SPIDR: variants seen among roughly 807,000 people sequenced by gnomAD.
SPIDR encodes the protein scaffold protein involved in DNA repair.
SPIDR carries 93 observed loss-of-function variants against 104.6 expected under a neutral mutation model. The ratio of observed to expected loss-of-function variants is 0.89; its 90% CI spans 0.75 to 1.06. The LOEUF is 1.06. SPIDR is among the 50% of genes least tolerant of loss of function. SPIDR has a pLI of 0.00. For missense variants in SPIDR, 1,154 were observed against 1,111.2 expected (o/e 1.04, Z -0.55); for synonymous variants, 431 against 416.9 (o/e 1.03, Z -0.41).
chr8:47,666,396 A>G (rs995126936), intron 10 of SPIDR, among the ~76,000 whole-genome samples: 3 of 152,112 alleles, frequency 2.0e-5, no homozygotes, highest in African/African-American at 7.2e-5. Context: ...ATATAAATCA[A>G]TTTCACCTGC....
intron 10 of SPIDR, among the ~76,000 whole-genome samples, chr8:47,609,172 AT>A (rs1345517092): frequency 6.6e-6 from 1 of 151,992 alleles, no homozygotes; most frequent in Non-Finnish European, 1.5e-5. Context: ...ATTTGCAAAT[AT>A]TTTTTCCCAT....
chr8:47,315,466 C>T (rs1039616029), intron 5 of SPIDR, among the ~76,000 whole-genome samples: 9 of 152,078 alleles, frequency 5.9e-5, no homozygotes, highest in South Asian at 4.1e-4. Context: ...TATCCCTAGT[C>T]GATCTATGAA....
intron 10 of SPIDR, among the ~76,000 whole-genome samples, chr8:47,600,920 C>T (rs564378408): frequency 6.0e-4 from 92 of 152,284 alleles, no homozygotes; most frequent in African/African-American, 2.0e-3. Flanking sequence ...ACTGACAGTG[C>T]GGTTGCTTCC....
chr8:47,304,789 A>G (rs2154250556), intron 5 of SPIDR, among the ~76,000 whole-genome samples: 1 of 152,360 alleles, frequency 6.6e-6, no homozygotes, highest in Non-Finnish European at 1.5e-5. Context: ...TGAGAATGGT[A>G]TACATTAAAA....
At chr8:47,513,130 A>T (rs957546735) in intron 8 of SPIDR, among the ~76,000 whole-genome samples, 1 of 152,226 alleles carries the variant, frequency 6.6e-6, no homozygotes, top group African/African-American at 2.4e-5. Flanking sequence ...AATTTAAGCC[A>T]ATCATTGAGA....
chr8:47,587,816 A>C (rs1052866490), intron 8 of SPIDR, among the ~76,000 whole-genome samples: 11 of 150,596 alleles, frequency 7.3e-5, no homozygotes, highest in Admixed American at 2.0e-4. Flanking sequence ...AAAAAAAATC[A>C]GTTGGGCATA....
intron 1 of SPIDR, among the ~76,000 whole-genome samples, chr8:47,267,678 C>T (rs1056357708): frequency 6.6e-6 from 1 of 152,154 alleles, no homozygotes; most frequent in Admixed American, 6.5e-5. Context: ...GCTTATTTGG[C>T]TGCGTTTTCA....
At chr8:47,290,520 C>A (rs972380242) in intron 3 of SPIDR, among the ~76,000 whole-genome samples, 4 of 152,066 alleles carry the variant, frequency 2.6e-5, no homozygotes, top group African/African-American at 9.7e-5. Context: ...TTATTTCTTA[C>A]AACTATATAT....
chr8:47,408,115 AT>A lies in SPIDR; in HGVS notation c.877+155del, dbSNP rs2063003018. On this transcript the variant is annotated intron_variant, in intron 7 of 19. Transcript: ENST00000297423. ...TAATTTTAACATATAAAAACTATAT[AT>A]AGTAAATATATTTAACTTGATGAGT... The A allele has an allele frequency of 1.7e-5, 7 of 403,004 alleles. No homozygotes were observed. In the East Asian group the frequency reaches 2.7e-4, roughly 16 times the overall value. The allele number at this position is 403,004 out of a possible 1,614,324, so 25.0% of individuals were successfully genotyped here.
At chr8:47,386,717 A>G (rs931675612) in intron 5 of SPIDR, among the ~76,000 whole-genome samples, 10 of 152,170 alleles carry the variant, frequency 6.6e-5, no homozygotes, top group South Asian at 2.1e-4. Flanking sequence ...TGAGAAATAA[A>G]TGAGTTAATA....
intron 1 of SPIDR, chr8:47,276,809 G>C (rs2036520451): frequency 6.6e-6 from 1 of 152,206 alleles, no homozygotes; most frequent in Non-Finnish European, 1.5e-5. Flanking sequence ...TAAAGTGGAG[G>C]GGATTGGAAT....
At chr8:47,434,031 A>G (rs1213056625) in intron 7 of SPIDR, among the ~76,000 whole-genome samples, 1 of 152,244 alleles carries the variant, frequency 6.6e-6, no homozygotes, top group Non-Finnish European at 1.5e-5. Context: ...CACCCCAAAT[A>G]AAACCATTGT....
At chr8:47,466,906 T>TATAG (rs1554717573) in intron 8 of SPIDR, among the ~76,000 whole-genome samples, 167 of 119,220 alleles carry the variant, frequency 1.4e-3, no homozygotes, top group African/African-American at 5.7e-3. Context: ...AAAAAATATA[T>TATAG]ATATATATAG....
chr8:47,473,598 C>T lies in SPIDR; in HGVS notation c.1097+33056C>T, dbSNP rs150369180. 1.6e-3 allele frequency among the ~76,000 whole-genome samples: 239 copies of T among 152,306 alleles called. 1 individual carries two copies. Among genetic ancestry groups the T allele is most frequent in the African/African-American group, 5.6e-3 (232 of 41,574 alleles). ...TTGGTCCCTCTATTGTGCATGACACCATGGTGCCTTCCACACGCGTCTATT... is the reference window on the plus strand; with the variant it reads ...TTGGTCCCTCTATTGTGCATGACACTATGGTGCCTTCCACACGCGTCTATT... On this transcript the variant is annotated intron_variant, in intron 8 of 19. Coordinates refer to ENST00000297423, the MANE Select transcript of SPIDR (RefSeq NM_001080394.4).
At chr8:47,476,033 C>G (rs2076251741) in intron 8 of SPIDR, among the ~76,000 whole-genome samples, 1 of 152,110 alleles carries the variant, frequency 6.6e-6, no homozygotes, top group South Asian at 2.1e-4. Context: ...TTGTTTCTAG[C>G]CTTCTGTGAT....
At chr8:47,284,126 G>GAT in intron 3 of SPIDR, 32 bp downstream of exon 3, 1 of 1,521,120 alleles carries the variant, frequency 6.6e-7, no homozygotes, top group Non-Finnish European at 9.0e-7. Flanking sequence ...TGACAGAGAA[G>GAT]ATATAAGACT....
At chr8:47,364,539 C>T (rs1278331204) in intron 5 of SPIDR, among the ~76,000 whole-genome samples, 3 of 152,142 alleles carry the variant, frequency 2.0e-5, no homozygotes, top group African/African-American at 4.8e-5. Context: ...CTAGTTGGTT[C>T]GGGGTGCGCA....
intron 10 of SPIDR, among the ~76,000 whole-genome samples, chr8:47,639,087 A>G (rs1405619670): frequency 6.6e-6 from 1 of 152,220 alleles, no homozygotes; most frequent in Non-Finnish European, 1.5e-5. Flanking sequence ...CAAATAGTAA[A>G]AGCTTTCTTT....
intron 10 of SPIDR, among the ~76,000 whole-genome samples, chr8:47,658,022 C>G (rs1563447042): frequency 7.9e-6 from 1 of 126,156 alleles, no homozygotes; most frequent in Non-Finnish European, 1.7e-5. Flanking sequence ...AGATTGAGAC[C>G]CTGTCTCAAA....
Sources: gnomAD v4.1 joint callset for allele counts (sites outside exome capture counted in the v4.1 genomes callset) on GRCh38, gnomAD v4.1.1 for gene constraint, MANE v1.5 for transcripts, NCBI Gene and HGNC (gene_info 2026-07-23, HGNC 2026-07-21) for gene names.